PCDHGA1: variants seen among roughly 807,000 people sequenced by gnomAD.
PCDHGA1 encodes protocadherin gamma subfamily A, 1, also known as protocadherin gamma-A1.
In PCDHGA1, 32 loss-of-function variants were observed where a neutral mutation model predicts 58.0. The observed-to-expected ratio is 0.55, with a 90% CI of 0.42 to 0.74. The LOEUF (loss-of-function observed/expected upper bound fraction) is 0.74, where lower values mean the gene tolerates loss of function less well. PCDHGA1 is among the 30% of genes least tolerant of loss of function. The pLI is 0.00. For synonymous variants in PCDHGA1, 498 were observed against 501.1 expected, an observed-to-expected ratio of 0.99 and a Z score of 0.08; for missense variants, 1,205 against 1,182.3, an observed-to-expected ratio of 1.02 and a Z score of -0.28.
Position 141,477,932 on chromosome 5 carries a change from C to T in PCDHGA1, c.2422-16875C>T. 1 of 1,614,158 alleles carries T rather than the reference C, an allele frequency of 6.2e-7. No homozygotes were observed. The highest frequency in any genetic ancestry group is 8.5e-7 in the Non-Finnish European group (1 of 1,180,034). ...CGCGGATGCAGGGCACAATGCCTGGCTCTCCTACAGTCTCTTGGGATCCCC... is the reference window on the plus strand; with the variant it reads ...CGCGGATGCAGGGCACAATGCCTGGTTCTCCTACAGTCTCTTGGGATCCCC... On this transcript the variant is annotated intron_variant, in intron 1 of 3. Coordinates refer to ENST00000517417, the MANE Select transcript of PCDHGA1 (RefSeq NM_018912.3). This position sits in a 1 kb window ranked among gnomAD's most constrained non-coding sequence, Gnocchi z 4.9.
intron 1 of PCDHGA1, chr5:141,378,802 CA>C (rs1201523670): frequency 1.3e-5 from 2 of 152,134 alleles, no homozygotes; most frequent in African/African-American, 2.4e-5. Context: ...CTGAAATGTG[CA>C]AACAGAATCA....
chr5:141,413,157 A>T, intron 1 of PCDHGA1: 2 of 1,578,898 alleles, frequency 1.3e-6, no homozygotes, highest in Non-Finnish European at 1.7e-6. Flanking sequence ...ACTTTGCAGA[A>T]TTCTGTAACC....
At chr5:141,392,799 T>A in intron 1 of PCDHGA1, 1 of 1,570,210 alleles carries the variant, frequency 6.4e-7, no homozygotes, top group Non-Finnish European at 8.6e-7. Flanking sequence ...GAGAGGATTC[T>A]GCAGCAAAAC....
intron 2 of PCDHGA1, 117 bp downstream of exon 2, chr5:141,494,982 G>T: frequency 1.3e-6 from 2 of 1,563,940 alleles, no homozygotes; most frequent in Non-Finnish European, 1.7e-6. Flanking sequence ...CTCAGTTTGA[G>T]ATCCCAGGGA....
intron 1 of PCDHGA1, chr5:141,388,512 T>G (rs1342946669): frequency 1.2e-6 from 2 of 1,613,846 alleles, no homozygotes; most frequent in Non-Finnish European, 1.7e-6. Flanking sequence ...ATCCTACCAC[T>G]TGACTTTGAC....
chr5:141,435,108 G>A lies in PCDHGA1; in HGVS notation c.2422-59699G>A, dbSNP rs1027955145. ...AACTGATCTGTTTATCTAGGGGGGA[G>A]AAATCTAATTCAATGGAAAATATAA... On this transcript the variant is annotated intron_variant, in intron 1 of 3. Transcript: ENST00000517417. Among the ~76,000 whole-genome samples, 3 of 152,144 alleles carry A rather than the reference G, an allele frequency of 2.0e-5. No homozygotes were observed. In the South Asian group the frequency reaches 6.2e-4, roughly 32 times the overall value.
intron 1 of PCDHGA1, chr5:141,394,099 C>T: frequency 1.2e-6 from 2 of 1,613,930 alleles, no homozygotes; most frequent in South Asian, 1.1e-5. Context: ...GATCTAGGAA[C>T]ACCACCTCTG....
intron 1 of PCDHGA1, chr5:141,413,097 C>T (rs531228946): frequency 1.4e-6 from 2 of 1,447,922 alleles, no homozygotes; most frequent in African/African-American, 1.4e-5. Flanking sequence ...CACCCTGAAG[C>T]CACAGAAAGA....
At chr5:141,371,188 T>C (rs1206989931) in intron 1 of PCDHGA1, 1 of 1,614,030 alleles carries the variant, frequency 6.2e-7, no homozygotes. Flanking sequence ...TTAAAAGTGA[T>C]GGCCATTGAC....
At position 141,393,000 on chromosome 5, in the gene PCDHGA1, G is replaced by A. The variant is rs772046833; in HGVS notation, c.2421+59895G>A. The stretch of plus-strand genomic sequence containing the variant: ...GGACCCCCGGAAGCTGGCGAAGCAC[G>A]GAGTCCGTATCGTCTCCAGAGGTAG... On this transcript the variant is annotated intron_variant, in intron 1 of 3. Transcript: ENST00000517417. The A allele has an allele frequency of 2.5e-6, 4 of 1,613,856 alleles. No individual in the cohort carries two copies. In the South Asian group the frequency reaches 4.4e-5, roughly 18 times the overall value.
At chr5:141,355,869 T>C (rs1354052065) in intron 1 of PCDHGA1, 5 of 1,613,064 alleles carry the variant, frequency 3.1e-6, no homozygotes, top group South Asian at 1.1e-5. Context: ...CGGTTCGCTC[T>C]GGCACTGCCA....
intron 1 of PCDHGA1, chr5:141,423,928 G>C: frequency 8.1e-7 from 1 of 1,236,850 alleles, no homozygotes; most frequent in Non-Finnish European, 1.0e-6. Flanking sequence ...ATGCTGGTTT[G>C]GTTTGAAGTA....
chr5:141,330,942 C>T lies in PCDHGA1; in HGVS notation c.258C>T (p.Thr86=). The change falls in exon 1 of 4, where the codon ACC becomes ACT. Residue 86 remains threonine (T), a synonymous_variant. Coordinates refer to ENST00000517417, the MANE Select transcript of PCDHGA1 (RefSeq NM_018912.3). The stretch of plus-strand genomic sequence containing the variant: ...ATCCTAGAAGTGGCAGCTTGATCAC[C>T]GCGCGCAGGATAGACCGGGAGGAGC... ...ALNPRSGSLI[T]ARRIDREELC... 2 of 1,614,192 alleles carry T rather than the reference C, an allele frequency of 1.2e-6. No individual in the cohort carries two copies. The highest frequency in any genetic ancestry group is 1.7e-6 in the Non-Finnish European group (2 of 1,180,046).
intron 1 of PCDHGA1, chr5:141,398,897 C>T (rs761364649): frequency 1.2e-6 from 2 of 1,613,932 alleles, no homozygotes; most frequent in Non-Finnish European, 1.7e-6. Context: ...AACGTGCCAC[C>T]AGGCACCACT....
chr5:141,410,746 C>A (rs1489353130), intron 1 of PCDHGA1: 28 of 1,269,804 alleles, frequency 2.2e-5, no homozygotes, highest in Non-Finnish European at 2.7e-5. Flanking sequence ...ACAATATTTT[C>A]TCAATGTTTT....
At chr5:141,413,606 T>C (rs756987695) in intron 1 of PCDHGA1, 1 of 1,613,848 alleles carries the variant, frequency 6.2e-7, no homozygotes, top group Admixed American at 1.7e-5. Context: ...AATCTAGACG[T>C]AAAAATTAAT....
intron 1 of PCDHGA1, chr5:141,374,263 G>A: frequency 6.2e-7 from 1 of 1,614,016 alleles, no homozygotes; most frequent in Non-Finnish European, 8.5e-7. Flanking sequence ...AGGAGTTGGC[G>A]GAGCACGGAG....
chr5:141,353,496 T>C lies in PCDHGA1; in HGVS notation c.2421+20391T>C, dbSNP rs568186327. ...TTAAGACTCTTAACACTTTGTCTCA[T>C]CACAAGTAGCAAATATTGTCCAATT... On this transcript the variant is annotated intron_variant, in intron 1 of 3. Coordinates refer to ENST00000517417, the MANE Select transcript of PCDHGA1 (RefSeq NM_018912.3). 2.6e-5 allele frequency among the ~76,000 whole-genome samples: 4 copies of C among 152,300 alleles called. No individual in the cohort carries two copies. The South Asian group carries it at 8.3e-4, about 32-fold the overall frequency.
Position 141,485,166 on chromosome 5 carries a change from C to T in PCDHGA1, c.2422-9641C>T, listed in dbSNP as rs1180453938. 2 of 1,606,374 alleles carry T rather than the reference C, an allele frequency of 1.2e-6. No individual in the cohort carries two copies. Among genetic ancestry groups the T allele is most frequent in the Non-Finnish European group, 8.5e-7 (1 of 1,174,214 alleles). ...CAGGAGCAAGTAGAGAATTAGCGGG[C>T]GGCAGCAATGCTCCGCAAGGTGAGA... On this transcript the variant is annotated intron_variant, in intron 1 of 3. Transcript: ENST00000517417. The surrounding 1 kb of genome is among the most constrained non-coding windows in gnomAD (Gnocchi z 5.7).
Sources: gnomAD v4.1 joint callset for allele counts (sites outside exome capture counted in the v4.1 genomes callset) on GRCh38, gnomAD v4.1.1 for gene constraint, Gnocchi (gnomAD v3.1) non-coding constraint, MANE v1.5 for transcripts, NCBI Gene and HGNC (gene_info 2026-07-23, HGNC 2026-07-21) for gene names.